LINGO2: variants seen among roughly 807,000 people sequenced by gnomAD.
The protein encoded by LINGO2 is leucine-rich repeat and immunoglobulin-like domain-containing nogo receptor-interacting protein 2.
A neutral mutation model predicts 30.6 loss-of-function variants in LINGO2; 14 were observed. The ratio of observed to expected loss-of-function variants is 0.46; its 90% CI spans 0.30 to 0.72. The LOEUF is 0.72. LINGO2 is among the 30% of genes least tolerant of loss of function. The pLI is 0.07. For synonymous variants in LINGO2, 317 were observed against 288.5 expected (o/e 1.10, Z -1.00); for missense variants, 729 against 751.7 (o/e 0.97, Z 0.35).
chr9:28,365,780 T>A (rs1820644632), intron 3 of LINGO2, among the ~76,000 whole-genome samples: 1 of 151,390 alleles, frequency 6.6e-6, no homozygotes, highest in South Asian at 2.1e-4. Context: ...TTTTTTTTTT[T>A]TTTTCCTCTC....
intron 4 of LINGO2, among the ~76,000 whole-genome samples, chr9:28,174,846 A>G (rs143029074): frequency 1.4e-3 from 210 of 151,964 alleles, no homozygotes; most frequent in African/African-American, 4.8e-3. Context: ...ATGAATTCCT[A>G]AAAGTCAGAT....
At chr9:29,025,300 G>A in the LINGO2 span, among the ~76,000 whole-genome samples, 5 of 152,028 alleles carry the variant, frequency 3.3e-5, no homozygotes, top group Non-Finnish European at 1.5e-5. Flanking sequence ...TTTGCAAATA[G>A]TAAAATATTA....
the LINGO2 span, among the ~76,000 whole-genome samples, chr9:29,147,892 C>A: frequency 4.6e-5 from 7 of 152,014 alleles, no homozygotes; most frequent in Non-Finnish European, 8.8e-5. Flanking sequence ...ATTTAATAAA[C>A]CTGATTATCC....
the LINGO2 span, among the ~76,000 whole-genome samples, chr9:28,923,524 T>A: frequency 6.6e-6 from 1 of 152,296 alleles, no homozygotes; most frequent in South Asian, 2.1e-4. Context: ...TTTTGCCAAG[T>A]ATCTGAAAAA....
chr9:29,028,429 T>TGA, the LINGO2 span, among the ~76,000 whole-genome samples: 431 of 112,732 alleles, frequency 3.8e-3, 8 homozygotes, highest in African/African-American at 0.013. Flanking sequence ...TGGGGGGGGG[T>TGA]GAGAGAGAGA....
chr9:28,004,014 A>G (rs940865645), intron 5 of LINGO2, among the ~76,000 whole-genome samples: 10 of 152,202 alleles, frequency 6.6e-5, no homozygotes, highest in Admixed American at 6.5e-4. Context: ...CACTTAATAC[A>G]TAATTTAACC....
the LINGO2 span, among the ~76,000 whole-genome samples, chr9:28,858,045 T>C: frequency 1.3e-5 from 2 of 151,972 alleles, no homozygotes; most frequent in Admixed American, 6.6e-5. Context: ...AACATTCTAA[T>C]GTATCTTCTT....
chr9:28,803,324 T>G, the LINGO2 span, among the ~76,000 whole-genome samples: 2 of 142,818 alleles, frequency 1.4e-5, no homozygotes, highest in African/African-American at 6.0e-5. Context: ...TGAGTGTGTT[T>G]GTGTGTGTGT....
rs369343067 is a variant in LINGO2, at chr9:28,348,155, C to T, written c.-246+24681G>A. Among the ~76,000 whole-genome samples the T allele has an allele frequency of 1.2e-4, 18 of 151,874 alleles. No homozygotes were observed. The South Asian group carries it at 3.6e-3, about 30-fold the overall frequency. ...TTCACGGTGGAGGAGCCAAGATGGC[C>T]GAATAGGAACAGCTCCAGTCTACAG... On this transcript the variant is annotated intron_variant, in intron 3 of 5. Transcript: ENST00000379992.
At chr9:28,269,408 T>G (rs1822864280) in intron 4 of LINGO2, among the ~76,000 whole-genome samples, 1 of 152,102 alleles carries the variant, frequency 6.6e-6, no homozygotes, top group Non-Finnish European at 1.5e-5. Flanking sequence ...ATAGATTGAA[T>G]ACATCTCATC....
chr9:28,151,632 T>C (rs926742053), intron 4 of LINGO2, among the ~76,000 whole-genome samples: 1 of 151,798 alleles, frequency 6.6e-6, no homozygotes, highest in South Asian at 2.1e-4. Flanking sequence ...GAAGGAAATA[T>C]TGTAATCATT....
intron 1 of LINGO2, among the ~76,000 whole-genome samples, chr9:28,626,361 C>G (rs1303522856): frequency 6.6e-6 from 1 of 151,870 alleles, no homozygotes; most frequent in Non-Finnish European, 1.5e-5. Context: ...ATTTTCATTT[C>G]ATTAATAAAG....
chr9:29,115,587 G>GTTT, the LINGO2 span, among the ~76,000 whole-genome samples: 30 of 150,532 alleles, frequency 2.0e-4, no homozygotes, highest in East Asian at 1.2e-3. Flanking sequence ...TATTGAATGT[G>GTTT]TTTTTTTTTA....
the LINGO2 span, among the ~76,000 whole-genome samples, chr9:28,925,139 T>C: frequency 6.6e-6 from 1 of 152,218 alleles, no homozygotes; most frequent in African/African-American, 2.4e-5. Context: ...CCCATAAGTA[T>C]ATACAATTGT....
At chr9:28,103,631 C>T (rs1432750409) in intron 4 of LINGO2, among the ~76,000 whole-genome samples, 4 of 152,150 alleles carry the variant, frequency 2.6e-5, no homozygotes, top group Non-Finnish European at 5.9e-5. Context: ...TCCAACAGCC[C>T]AGCAGAACTA....
chr9:28,782,618 T>A, the LINGO2 span, among the ~76,000 whole-genome samples: 1 of 152,212 alleles, frequency 6.6e-6, no homozygotes, highest in Non-Finnish European at 1.5e-5. Context: ...AGTAGTAAAT[T>A]CTGGTAAACA....
At chr9:28,055,947 T>C (rs924893512) in intron 4 of LINGO2, among the ~76,000 whole-genome samples, 3 of 152,190 alleles carry the variant, frequency 2.0e-5, no homozygotes, top group African/African-American at 7.2e-5. Context: ...ACTACTTGAA[T>C]CTATCATTAC....
At chr9:27,968,895 CCTCTCT>C (rs897063100) in intron 5 of LINGO2, among the ~76,000 whole-genome samples, 3 of 149,850 alleles carry the variant, frequency 2.0e-5, no homozygotes, top group Admixed American at 1.3e-4. Flanking sequence ...TAATTTCTCA[CCTCTCT>C]CTCTCTCTAC....
intron 2 of LINGO2, among the ~76,000 whole-genome samples, chr9:28,429,587 G>A (rs1432888018): frequency 6.6e-6 from 1 of 152,094 alleles, no homozygotes; most frequent in South Asian, 2.1e-4. Context: ...ACCTTTTTCA[G>A]TTGAGACACC....
Sources: allele counts gnomAD v4.1 joint callset (sites outside exome capture counted in the v4.1 genomes callset), GRCh38; gene constraint gnomAD v4.1.1; transcripts MANE v1.5; gene names NCBI Gene and HGNC (gene_info 2026-07-23, HGNC 2026-07-21).